LRRTM4: variants seen among roughly 807,000 people sequenced by gnomAD.
LRRTM4 encodes leucine-rich repeat transmembrane neuronal protein 4.
LRRTM4 carries 25 observed loss-of-function variants against 47.6 expected under a neutral mutation model. That is an observed-to-expected ratio of 0.53 (90% confidence interval 0.38 to 0.73). The LOEUF (loss-of-function observed/expected upper bound fraction) is 0.73. Ranked by LOEUF, LRRTM4 falls within the 30% of genes least tolerant of loss-of-function variation. The probability of loss-of-function intolerance (pLI) is 0.00; values close to 1 mark genes in which losing one functional copy is unlikely to be tolerated. For synonymous variants in LRRTM4, 311 were observed against 269.5 expected, an observed-to-expected ratio of 1.15 and a Z score of -1.51; for missense variants, 638 against 713.4, an observed-to-expected ratio of 0.89 and a Z score of 1.20.
At chr2:76,802,630 C>T (rs112844379) in intron 3 of LRRTM4, among the ~76,000 whole-genome samples, 1 of 151,974 alleles carries the variant, frequency 6.6e-6, no homozygotes, top group Non-Finnish European at 1.5e-5. Context: ...ATATGGAACC[C>T]TAGAAGATCC....
intron 3 of LRRTM4, among the ~76,000 whole-genome samples, chr2:77,043,316 C>G (rs1419494659): frequency 6.6e-6 from 1 of 151,726 alleles, no homozygotes; most frequent in Non-Finnish European, 1.5e-5. Context: ...CTTAAATTTT[C>G]TCCACTACGT....
At chr2:77,095,361 A>G (rs1670777645) in intron 3 of LRRTM4, among the ~76,000 whole-genome samples, 1 of 152,148 alleles carries the variant, frequency 6.6e-6, no homozygotes, top group South Asian at 2.1e-4. Flanking sequence ...TCAAAACACT[A>G]AAACTCAAAT....
chr2:77,521,119 G>A (rs1028052635), intron 2 of LRRTM4, among the ~76,000 whole-genome samples: 1 of 151,448 alleles, frequency 6.6e-6, no homozygotes, highest in African/African-American at 2.4e-5. Context: ...ATACATTCCA[G>A]CTCTCCCAGA....
intron 3 of LRRTM4, among the ~76,000 whole-genome samples, chr2:77,058,353 G>A (rs2103792480): frequency 6.6e-6 from 1 of 152,246 alleles, no homozygotes; most frequent in South Asian, 2.1e-4. Context: ...TACCGACCAT[G>A]AAAGCCAAGT....
intron 3 of LRRTM4, among the ~76,000 whole-genome samples, chr2:77,242,976 G>C (rs138343590): frequency 5.9e-5 from 9 of 152,232 alleles, no homozygotes; most frequent in African/African-American, 2.2e-4. Flanking sequence ...CAACCCAAGC[G>C]TCTATTGATA....
chr2:76,963,379 A>C (rs927082933), intron 3 of LRRTM4, among the ~76,000 whole-genome samples: 3 of 151,052 alleles, frequency 2.0e-5, no homozygotes, highest in East Asian at 3.9e-4. Flanking sequence ...AAAAAAGTAA[A>C]GGAAAATCTG....
chr2:77,175,699 A>G (rs1353864227), intron 3 of LRRTM4, among the ~76,000 whole-genome samples: 1 of 152,082 alleles, frequency 6.6e-6, no homozygotes, highest in Non-Finnish European at 1.5e-5. Flanking sequence ...AGCCTCCACC[A>G]TCATGATAGC....
chr2:77,164,189 C>T (rs1447050847), intron 3 of LRRTM4, among the ~76,000 whole-genome samples: 7 of 152,162 alleles, frequency 4.6e-5, no homozygotes, highest in African/African-American at 1.7e-4. Context: ...GACTTTAAAC[C>T]AACAAAGATC....
intron 3 of LRRTM4, among the ~76,000 whole-genome samples, chr2:77,073,033 T>C (rs1216042997): frequency 6.6e-6 from 1 of 152,088 alleles, no homozygotes; most frequent in Non-Finnish European, 1.5e-5. Flanking sequence ...AGTTGGGAGA[T>C]CTTTCAGCAT....
chr2:76,925,092 A>T (rs943389907), intron 3 of LRRTM4, among the ~76,000 whole-genome samples: 1 of 152,146 alleles, frequency 6.6e-6, no homozygotes, highest in African/African-American at 2.4e-5. Flanking sequence ...AATGTAAGAA[A>T]AAAAGGTAAA....
chr2:76,830,662 C>A (rs1671323747), intron 3 of LRRTM4, among the ~76,000 whole-genome samples: 1 of 151,580 alleles, frequency 6.6e-6, no homozygotes, highest in Admixed American at 6.6e-5. Flanking sequence ...GTCTTTGTCT[C>A]AAAATTTTAA....
chr2:76,768,350 C>G (rs1673538895), intron 3 of LRRTM4, among the ~76,000 whole-genome samples: 1 of 151,854 alleles, frequency 6.6e-6, no homozygotes. Context: ...CTGGCCAACA[C>G]TGTGATAAAT....
chr2:76,899,968 C>T (rs1240645640), intron 3 of LRRTM4, among the ~76,000 whole-genome samples: 2 of 152,134 alleles, frequency 1.3e-5, no homozygotes, highest in African/African-American at 4.8e-5. Context: ...GTGGCTCACA[C>T]CTGTAATCTC....
intron 3 of LRRTM4, among the ~76,000 whole-genome samples, chr2:76,995,821 T>C (rs1011892583): frequency 1.3e-5 from 2 of 151,996 alleles, no homozygotes; most frequent in African/African-American, 2.4e-5. Flanking sequence ...TGGGTGAACA[T>C]GGGAAATACA....
intron 3 of LRRTM4, among the ~76,000 whole-genome samples, chr2:77,062,922 G>T (rs1473533674): frequency 6.9e-6 from 1 of 144,462 alleles, no homozygotes; most frequent in Non-Finnish European, 1.5e-5. Flanking sequence ...TCTGTGTTCA[G>T]TTCCTCTTGT....
At chr2:77,384,223 GTTT>G (rs879442889) in intron 3 of LRRTM4, among the ~76,000 whole-genome samples, 1 of 146,518 alleles carries the variant, frequency 6.8e-6, no homozygotes, top group Non-Finnish European at 1.5e-5. Context: ...GGTAGATAAA[GTTT>G]TTTTTTTTTA....
chr2:77,382,352 G>A (rs926549982), intron 3 of LRRTM4, among the ~76,000 whole-genome samples: 7 of 151,992 alleles, frequency 4.6e-5, no homozygotes, highest in Admixed American at 1.3e-4. Flanking sequence ...GAAACCCTGC[G>A]CTTGTCAACA....
At chr2:77,040,979 T>C (rs576063536) in intron 3 of LRRTM4, among the ~76,000 whole-genome samples, 2 of 151,568 alleles carry the variant, frequency 1.3e-5, no homozygotes, top group African/African-American at 4.8e-5. Context: ...TACACATTAT[T>C]ATAATTATAG....
chr2:76,812,776 C>CCCTCCCCCTCTCCCCCCCCCCTT (rs1670780214), intron 3 of LRRTM4, among the ~76,000 whole-genome samples: 2 of 85,634 alleles, frequency 2.3e-5, no homozygotes, highest in Admixed American at 1.4e-4. Flanking sequence ...CTCTCCCTCC[C>CCCTCCCCCTCTCCCCCCCCCCTT]CCTCCTCCTC....
Sources: allele counts gnomAD v4.1 joint callset (sites outside exome capture counted in the v4.1 genomes callset), GRCh38; gene constraint gnomAD v4.1.1; transcripts MANE v1.5; gene names NCBI Gene and HGNC (gene_info 2026-07-23, HGNC 2026-07-21).